ULK4: variants seen among roughly 807,000 people sequenced by gnomAD.
ULK4 encodes the protein unc-51 like kinase 4.
ULK4 carries 133 observed loss-of-function variants against 160.6 expected under a neutral mutation model. The ratio of observed to expected loss-of-function variants is 0.83; its 90% CI spans 0.72 to 0.96. The LOEUF (loss-of-function observed/expected upper bound fraction) is 0.96, where lower values mean the gene tolerates loss of function less well. ULK4 is among the 40% of genes least tolerant of loss of function. ULK4 has a pLI of 0.00. For missense variants in ULK4, 1,580 were observed against 1,499.5 expected (o/e 1.05, Z -0.89); for synonymous variants, 534 against 539.8 (o/e 0.99, Z 0.15).
chr3:41,939,940 A>G (rs186005801), intron 2 of ULK4, among the ~76,000 whole-genome samples: 1 of 152,238 alleles, frequency 6.6e-6, no homozygotes, highest in Admixed American at 6.5e-5. Flanking sequence ...TTCATCCCGA[A>G]ACCATCCCCA....
intron 19 of ULK4, among the ~76,000 whole-genome samples, chr3:41,818,002 T>A (rs2041024765): frequency 6.7e-6 from 1 of 150,030 alleles, no homozygotes; most frequent in Non-Finnish European, 1.5e-5. Flanking sequence ...ATGGCGATTA[T>A]CAAAAAGACA....
intron 22 of ULK4, among the ~76,000 whole-genome samples, chr3:41,748,220 CAT>C (rs200082099): frequency 7.0e-6 from 1 of 142,976 alleles, no homozygotes; most frequent in Non-Finnish European, 1.5e-5. Flanking sequence ...AGAGAGGCCA[CAT>C]ATATATATAC....
intron 34 of ULK4, among the ~76,000 whole-genome samples, chr3:41,418,138 T>TG (rs1284370736): frequency 6.6e-6 from 1 of 152,122 alleles, no homozygotes; most frequent in Non-Finnish European, 1.5e-5. Flanking sequence ...AGTTGACCCT[T>TG]GAACAACACA....
intron 18 of ULK4, among the ~76,000 whole-genome samples, chr3:41,829,181 A>C (rs2041480861): frequency 6.7e-6 from 1 of 150,238 alleles, no homozygotes; most frequent in Non-Finnish European, 1.5e-5. Context: ...TAGACCTAAA[A>C]CCATAAAAAC....
At chr3:41,825,543 A>G (rs2041315988) in intron 18 of ULK4, among the ~76,000 whole-genome samples, 1 of 152,280 alleles carries the variant, frequency 6.6e-6, no homozygotes, top group Non-Finnish European at 1.5e-5. Flanking sequence ...AATTCGATCA[A>G]CTGGAAGAAA....
At chr3:41,333,447 AC>A (rs1203250539) in intron 35 of ULK4, among the ~76,000 whole-genome samples, 1 of 149,846 alleles carries the variant, frequency 6.7e-6, no homozygotes, top group African/African-American at 2.5e-5. Flanking sequence ...GGGGATCTCT[AC>A]TGGGCACTGG....
chr3:41,691,604 A>G (rs1402833147), intron 27 of ULK4, among the ~76,000 whole-genome samples: 2 of 151,874 alleles, frequency 1.3e-5, no homozygotes, highest in African/African-American at 4.8e-5. Flanking sequence ...CCAAATATCC[A>G]TTTTAAACAG....
chr3:41,594,591 G>T (rs1372593864), intron 31 of ULK4, among the ~76,000 whole-genome samples: 1 of 152,180 alleles, frequency 6.6e-6, no homozygotes, highest in Non-Finnish European at 1.5e-5. Context: ...AAGAATACAG[G>T]TGAAGGGGTG....
At chr3:41,716,046 T>G (rs2037253849) in intron 23 of ULK4, among the ~76,000 whole-genome samples, 1 of 151,254 alleles carries the variant, frequency 6.6e-6, no homozygotes, top group Non-Finnish European at 1.5e-5. Context: ...ACCCCATCTC[T>G]AATAAAAACA....
chr3:41,638,151 A>G (rs569845761), intron 30 of ULK4, among the ~76,000 whole-genome samples: 1 of 152,324 alleles, frequency 6.6e-6, no homozygotes, highest in South Asian at 2.1e-4. Flanking sequence ...CTAGACTCTC[A>G]ATAAATGCTA....
At chr3:41,289,967 C>T (rs2079530949) in intron 35 of ULK4, among the ~76,000 whole-genome samples, 4 of 152,120 alleles carry the variant, frequency 2.6e-5, no homozygotes, top group African/African-American at 9.7e-5. Flanking sequence ...CTGCCATCTC[C>T]TGGGTTCAAG....
intron 9 of ULK4, 53 bp downstream of exon 9, chr3:41,912,754 G>A (rs1185623076): frequency 1.4e-6 from 2 of 1,471,806 alleles, no homozygotes; most frequent in African/African-American, 2.8e-5. Context: ...GAACAGTAAT[G>A]GGCTTAAGTG....
intron 17 of ULK4, among the ~76,000 whole-genome samples, chr3:41,883,334 C>T (rs1447259206): frequency 6.6e-6 from 1 of 152,184 alleles, no homozygotes; most frequent in Non-Finnish European, 1.5e-5. Context: ...CCCTTTTTTA[C>T]TTCCTTCAGG....
chr3:41,506,767 A>AAAAAAAAAAATATAT, intron 32 of ULK4, among the ~76,000 whole-genome samples: 1 of 56,766 alleles, frequency 1.8e-5, no homozygotes, highest in African/African-American at 8.2e-5. Flanking sequence ...TGTGATTTAA[A>AAAAAAAAAAATATAT]ATATATATAT....
At chr3:41,651,554 C>CAATG (rs542032879) in intron 30 of ULK4, among the ~76,000 whole-genome samples, 48 of 152,154 alleles carry the variant, frequency 3.2e-4, no homozygotes, top group South Asian at 8.3e-4. Context: ...TGAAGTGACT[C>CAATG]AATGAATGAA....
At chr3:41,557,168 TCA>T (rs2125586981) in intron 32 of ULK4, among the ~76,000 whole-genome samples, 1 of 152,156 alleles carries the variant, frequency 6.6e-6, no homozygotes, top group African/African-American at 2.4e-5. Context: ...TTGACAAATG[TCA>T]TTATTCCTGA....
intron 30 of ULK4, among the ~76,000 whole-genome samples, chr3:41,637,706 T>C (rs1446855366): frequency 1.3e-5 from 2 of 152,220 alleles, no homozygotes; most frequent in African/African-American, 4.8e-5. Context: ...ATCCTTGTTA[T>C]CTTTCATTTT....
intron 35 of ULK4, among the ~76,000 whole-genome samples, chr3:41,344,990 A>G (rs1432916960): frequency 6.6e-6 from 1 of 152,216 alleles, no homozygotes; most frequent in African/African-American, 2.4e-5. Context: ...ACACTTTTCA[A>G]AAGAACACAT....
intron 31 of ULK4, among the ~76,000 whole-genome samples, chr3:41,567,981 C>T (rs1198298273): frequency 1.3e-5 from 2 of 152,174 alleles, no homozygotes; most frequent in Non-Finnish European, 2.9e-5. Context: ...TACACTGATA[C>T]TAACAACTCA....
Sources: allele counts gnomAD v4.1 joint callset (sites outside exome capture counted in the v4.1 genomes callset), GRCh38; gene constraint gnomAD v4.1.1; transcripts MANE v1.5; gene names NCBI Gene and HGNC (gene_info 2026-07-23, HGNC 2026-07-21).